The following TMEFF1 variants were observed in gnomAD, a reference collection of about 807,000 sequenced individuals.
The protein encoded by TMEFF1 is tomoregulin-1.
Under a neutral mutation model 47.5 loss-of-function variants are expected in TMEFF1, and 20 were observed. That is an observed-to-expected ratio of 0.42 (90% CI 0.30 to 0.61). TMEFF1 has a LOEUF of 0.61. Among genes scored for constraint, TMEFF1 ranks in the 20% least tolerant of loss-of-function variants. The pLI is 0.19. For missense variants in TMEFF1, 411 were observed against 471.1 expected (o/e 0.87, Z 1.18); for synonymous variants, 162 against 166.3 (o/e 0.97, Z 0.20).
intron 5 of TMEFF1, among the ~76,000 whole-genome samples, chr9:100,528,446 AG>A (rs1838309413): frequency 6.8e-6 from 1 of 147,396 alleles, no homozygotes; most frequent in Non-Finnish European, 1.5e-5. Context: ...TGAAGAATGC[AG>A]AAGCCTCAGG....
chr9:100,476,148 A>G (rs533860385), intron 1 of TMEFF1, among the ~76,000 whole-genome samples: 67 of 139,638 alleles, frequency 4.8e-4, no homozygotes, highest in African/African-American at 1.7e-3. Flanking sequence ...GCAGTAAGAT[A>G]TACTTGAATA....
intron 5 of TMEFF1, among the ~76,000 whole-genome samples, chr9:100,540,941 G>A (rs1838616580): frequency 6.6e-6 from 1 of 151,898 alleles, no homozygotes; most frequent in South Asian, 2.1e-4. Flanking sequence ...TTGTATTTGT[G>A]TATTCTGGAT....
chr9:100,513,389 TTTTC>T, intron 4 of TMEFF1, 56 bp downstream of exon 4: 3 of 1,527,074 alleles, frequency 2.0e-6, no homozygotes, highest in Non-Finnish European at 1.8e-6. Flanking sequence ...CTTTCTTTCT[TTTTC>T]TTTTTTTTTT....
At chr9:100,540,940 T>G (rs1838616542) in intron 5 of TMEFF1, among the ~76,000 whole-genome samples, 1 of 152,222 alleles carries the variant, frequency 6.6e-6, no homozygotes, top group African/African-American at 2.4e-5. Flanking sequence ...TTTGTATTTG[T>G]GTATTCTGGA....
Position 100,531,762 on chromosome 9 carries a change from A to C in TMEFF1, c.560+14991A>C, listed in dbSNP as rs537392298. On this transcript the variant is annotated intron_variant, in intron 5 of 9. Transcript: ENST00000374879. ...CTTTAAAATTCATATGGAACCGAAA[A>C]AGAGCCCGCATTGCCAAGTCAATCC... Among the ~76,000 whole-genome samples, 3 of 152,324 alleles carry C rather than the reference A, an allele frequency of 2.0e-5. No individual in the cohort carries two copies. In the East Asian group the frequency reaches 5.8e-4, roughly 29 times the overall value.
intron 7 of TMEFF1, among the ~76,000 whole-genome samples, chr9:100,558,866 A>G (rs533371710): frequency 6.6e-6 from 1 of 152,126 alleles, no homozygotes; most frequent in Admixed American, 6.6e-5. Context: ...TTAATACACT[A>G]AATATATTAT....
At chr9:100,527,406 G>C (rs1055496195) in intron 5 of TMEFF1, among the ~76,000 whole-genome samples, 19 of 152,316 alleles carry the variant, frequency 1.2e-4, no homozygotes, top group Middle Eastern at 3.4e-3. Context: ...GCCGAAGCAG[G>C]GCGAGGCATT....
intron 1 of TMEFF1, among the ~76,000 whole-genome samples, chr9:100,485,708 C>T (rs968672899): frequency 1.3e-5 from 2 of 150,002 alleles, no homozygotes; most frequent in Non-Finnish European, 3.0e-5. Flanking sequence ...CTTAACTTAA[C>T]TATTTTCTTT....
intron 5 of TMEFF1, among the ~76,000 whole-genome samples, chr9:100,517,053 C>T (rs966322199): frequency 1.3e-5 from 2 of 151,856 alleles, no homozygotes; most frequent in African/African-American, 2.4e-5. Context: ...TATTTTATAC[C>T]AAGTGCTTTT....
intron 5 of TMEFF1, among the ~76,000 whole-genome samples, chr9:100,544,532 A>G (rs1838697199): frequency 6.6e-6 from 1 of 152,204 alleles, no homozygotes; most frequent in African/African-American, 2.4e-5. Context: ...GACACGTGGG[A>G]ATTGTGGGAG....
intron 9 of TMEFF1, among the ~76,000 whole-genome samples, chr9:100,574,267 A>G: frequency 6.6e-6 from 1 of 152,224 alleles, no homozygotes; most frequent in East Asian, 1.9e-4. Flanking sequence ...TAGTGAACAT[A>G]TGAGGTAGGG....
intron 2 of TMEFF1, among the ~76,000 whole-genome samples, chr9:100,502,262 A>G (rs1837776198): frequency 6.6e-6 from 1 of 152,068 alleles, no homozygotes; most frequent in South Asian, 2.1e-4. Flanking sequence ...AACACTATGT[A>G]TTTTTAATTG....
At chr9:100,537,518 G>GACC (rs1234797404) in intron 5 of TMEFF1, among the ~76,000 whole-genome samples, 2 of 152,222 alleles carry the variant, frequency 1.3e-5, no homozygotes, top group Admixed American at 1.3e-4. Context: ...TCACCCATGA[G>GACC]ATGTACTGCC....
At chr9:100,521,977 A>G (rs1838169025) in intron 5 of TMEFF1, among the ~76,000 whole-genome samples, 1 of 152,188 alleles carries the variant, frequency 6.6e-6, no homozygotes, top group Non-Finnish European at 1.5e-5. Context: ...CACCTGCTGG[A>G]CATCTTAGTC....
intron 5 of TMEFF1, among the ~76,000 whole-genome samples, chr9:100,530,240 A>T (rs1166927077): frequency 1.3e-5 from 2 of 152,086 alleles, no homozygotes; most frequent in African/African-American, 4.8e-5. Flanking sequence ...AAATAACTAA[A>T]ATCAGAGCAG....
chr9:100,476,402 T>G (rs926091784), intron 1 of TMEFF1, among the ~76,000 whole-genome samples: 1 of 147,126 alleles, frequency 6.8e-6, no homozygotes, highest in Admixed American at 6.8e-5. Flanking sequence ...CTCTGTCATG[T>G]TTTTTTTTTT....
intron 3 of TMEFF1, among the ~76,000 whole-genome samples, chr9:100,511,921 T>C (rs1837974773): frequency 6.6e-6 from 1 of 152,218 alleles, no homozygotes; most frequent in South Asian, 2.1e-4. Context: ...AGCCACAGTA[T>C]TTAATTTATT....
intron 5 of TMEFF1, among the ~76,000 whole-genome samples, chr9:100,542,072 C>G (rs1020537564): frequency 6.6e-6 from 1 of 151,576 alleles, no homozygotes; most frequent in Non-Finnish European, 1.5e-5. Flanking sequence ...TTATTTTATA[C>G]TTTTGTCTTG....
chr9:100,486,110 T>G (rs966619649), intron 1 of TMEFF1, among the ~76,000 whole-genome samples: 16 of 152,132 alleles, frequency 1.1e-4, no homozygotes, highest in African/African-American at 3.4e-4. Flanking sequence ...ACCCACACCT[T>G]TTTTCTTTGT....
Sources: gnomAD v4.1 joint callset for allele counts (sites outside exome capture counted in the v4.1 genomes callset) on GRCh38, gnomAD v4.1.1 for gene constraint, MANE v1.5 for transcripts, NCBI Gene and HGNC (gene_info 2026-07-23, HGNC 2026-07-21) for gene names.